Variants in ARHGEF40 observed in about 807,000 individuals in gnomAD.
ARHGEF40 encodes the protein Rho guanine nucleotide exchange factor (GEF) 40.
A neutral mutation model predicts 165.9 loss-of-function variants in ARHGEF40; 98 were observed. That is an observed-to-expected ratio of 0.59 (90% CI 0.50 to 0.70). ARHGEF40 has a LOEUF of 0.70. Among genes scored for constraint, ARHGEF40 ranks in the 30% least tolerant of loss-of-function variants. The pLI is 0.00. For missense variants in ARHGEF40, 1,815 were observed against 1,968.0 expected (o/e 0.92, Z 1.47); for synonymous variants, 792 against 814.3 (o/e 0.97, Z 0.47).
chr14:21,069,273 G>A (rs976868611), upstream of ARHGEF40, among the ~76,000 whole-genome samples: 16 of 152,172 alleles, frequency 1.1e-4, no homozygotes, highest in Admixed American at 6.5e-5. Flanking sequence ...TTTGATGAGG[G>A]AGTGAGGCTA....
upstream of ARHGEF40, among the ~76,000 whole-genome samples, chr14:21,065,886 G>A (rs765856643): frequency 1.3e-5 from 2 of 152,178 alleles, no homozygotes; most frequent in Non-Finnish European, 2.9e-5. Context: ...ATCACCTGAG[G>A]TCAGGAGTTT....
chr14:21,078,714 A>G (rs1323190139), intron 10 of ARHGEF40, among the ~76,000 whole-genome samples, 170 bp from the exon 11 acceptor site: 1 of 152,224 alleles, frequency 6.6e-6, no homozygotes, highest in East Asian at 1.9e-4. Flanking sequence ...CTTGGCCAAC[A>G]TCGGTCAGTA....
Position 21,081,550 on chromosome 14 carries a change from A to G in ARHGEF40, c.2682A>G (p.Gly894=), listed in dbSNP as rs747195975. 6.2e-7 allele frequency: 1 copy of G among 1,613,088 alleles called. No individual in the cohort carries two copies. Among genetic ancestry groups the G allele is most frequent in the South Asian group, 1.1e-5 (1 of 91,060 alleles). Reference sequence around the variant, plus strand: ...ATGAGGGCTTTGCTCGGCTGGCAGGAGCTGGGCCGGGTCGGGAGGCTGTGC... The same window carrying G: ...ATGAGGGCTTTGCTCGGCTGGCAGGGGCTGGGCCGGGTCGGGAGGCTGTGC... The part of the protein sequence containing the change: ...WVDEGFARLA[G]AGPGREAVLA... The change falls in exon 14 of 24, where the codon GGA becomes GGG. Residue 894 remains glycine, a synonymous_variant. Coordinates refer to ENST00000298694, the MANE Select transcript of ARHGEF40 (RefSeq NM_018071.5).
In ARHGEF40 at chr14:21,070,756, C is replaced by T; in HGVS notation, c.3+357C>T. 1 of 1,496,760 alleles carries T rather than the reference C, an allele frequency of 6.7e-7. No individual in the cohort carries two copies. The highest frequency in any genetic ancestry group is 1.2e-5 in the South Asian group (1 of 83,124). 92.7% of individuals were successfully genotyped at this position (1,496,760 alleles called of 1,614,324 possible). On this transcript the variant is annotated intron_variant, in intron 1 of 23. Coordinates refer to ENST00000298694, the MANE Select transcript of ARHGEF40 (RefSeq NM_018071.5). This position sits in a 1 kb window ranked among gnomAD's most constrained non-coding sequence, Gnocchi z 4.7. ...CCTCCTGGTCCGAGCTCCTTACCCGCGGGAGACCCCTGCGGGTTGGTCCTG... is the reference window on the plus strand; with the variant it reads ...CCTCCTGGTCCGAGCTCCTTACCCGTGGGAGACCCCTGCGGGTTGGTCCTG...
At chr14:21,079,863 T>TTTTAAAAC (rs1887731453) in intron 11 of ARHGEF40, among the ~76,000 whole-genome samples, 1 of 152,160 alleles carries the variant, frequency 6.6e-6, no homozygotes, top group African/African-American at 2.4e-5. Flanking sequence ...ATTTGGAGTC[T>TTTTAAAAC]AACGTGCTCA....
chr14:21,064,173 T>C, the ARHGEF40 span, among the ~76,000 whole-genome samples: 1 of 152,212 alleles, frequency 6.6e-6, no homozygotes, highest in African/African-American at 2.4e-5. Context: ...TAATTCAAAG[T>C]GCGGAGGAGT....
chr14:21,066,753 G>C (rs1215278763), upstream of ARHGEF40, among the ~76,000 whole-genome samples: 1 of 152,188 alleles, frequency 6.6e-6, no homozygotes, highest in Admixed American at 6.5e-5. Flanking sequence ...GCAAGATGCT[G>C]GTGGTATGGA....
chr14:21,089,869 T>C lies in ARHGEF40; in HGVS notation c.*861T>C, dbSNP rs1344834732. 1 of 201,128 alleles carries C rather than the reference T, an allele frequency of 5.0e-6. No homozygotes were observed. The highest frequency in any genetic ancestry group is 2.3e-5 in the African/African-American group (1 of 42,830). 12.5% of individuals were successfully genotyped at this position (201,128 alleles called of 1,614,324 possible). ...TCAAAATGAGGTCCTCAGGCCACAGTGCGTGAGAACTTGCTTGGCTGTTTG... is the reference window on the plus strand; with the variant it reads ...TCAAAATGAGGTCCTCAGGCCACAGCGCGTGAGAACTTGCTTGGCTGTTTG... On this transcript the variant is annotated 3_prime_UTR_variant, in exon 24 of 24. Coordinates refer to ENST00000298694, the MANE Select transcript of ARHGEF40 (RefSeq NM_018071.5).
At chr14:21,079,053 G>A in intron 11 of ARHGEF40, 43 bp downstream of exon 11, 1 of 1,586,158 alleles carries the variant, frequency 6.3e-7, no homozygotes, top group Non-Finnish European at 8.6e-7. Flanking sequence ...GCCTGGGAGT[G>A]TGGCCTCCAG....
chr14:21,070,408 A>C lies in ARHGEF40; in HGVS notation c.3+9A>C. The C allele has an allele frequency of 7.1e-7, 1 of 1,415,156 alleles. No homozygotes were observed. 87.7% of individuals were successfully genotyped at this position (1,415,156 alleles called of 1,614,324 possible). A position where few individuals can be genotyped will look rare whatever the true frequency, so the allele number is the denominator to read the frequency against. ...CCCGGCGCCGAGCCATGGTGAGTCC[A>C]GCGTCGCAGCCCCCTGGGTCCCCTC... On this transcript the variant is annotated intron_variant, in intron 1 of 23. Coordinates refer to ENST00000298694, the MANE Select transcript of ARHGEF40 (RefSeq NM_018071.5). The surrounding 1 kb of genome is among the most constrained non-coding windows in gnomAD (Gnocchi z 4.7).
intron 15 of ARHGEF40, 42 bp downstream of exon 15, chr14:21,082,520 C>A: frequency 6.6e-7 from 1 of 1,516,448 alleles, no homozygotes; most frequent in South Asian, 1.3e-5. Context: ...TCTCCCTTCT[C>A]TGTTCCAGCC....
In ARHGEF40 at chr14:21,082,113, G is replaced by A. The variant is rs949209163; in HGVS notation, c.3245G>A (p.Ser1082Asn). 8 of 1,563,850 alleles carry A rather than the reference G, an allele frequency of 5.1e-6. No individual in the cohort carries two copies. The Admixed American group carries it at 1.3e-4, about 26-fold the overall frequency. Reference protein sequence around the residue: ...VGTPRMERKRSISAQQRLVSE... With the variant: ...VGTPRMERKRNISAQQRLVSE... ...ACCCCCCGGATGGAGCGCAAGCGAA[G>A]CATCAGGTGAGATCCCAGCCCAACT... The change falls in exon 14 of 24, where the codon AGC becomes AAC. Residue 1082 changes from serine (S) to asparagine (N), a missense_variant. Transcript: ENST00000298694.
chr14:21,067,452 A>G (rs965854834), upstream of ARHGEF40, among the ~76,000 whole-genome samples: 21 of 152,164 alleles, frequency 1.4e-4, no homozygotes, highest in African/African-American at 4.3e-4. Context: ...ATGAGACCCT[A>G]TAACTTACTG....
At chr14:21,071,735 C>T (rs1043547926) in intron 1 of ARHGEF40, among the ~76,000 whole-genome samples, 1 of 152,230 alleles carries the variant, frequency 6.6e-6, no homozygotes, top group Non-Finnish European at 1.5e-5. Flanking sequence ...TGCCTTGGAG[C>T]AGACGGCCCC....
intron 19 of ARHGEF40, 115 bp downstream of exon 19, chr14:21,085,981 T>G: frequency 8.5e-7 from 1 of 1,174,474 alleles, no homozygotes; most frequent in Non-Finnish European, 1.2e-6. Context: ...AAAGAATGGC[T>G]TATAATAAGA....
Position 21,086,902 on chromosome 14 carries a change from G to T in ARHGEF40, c.4139-99G>T, listed in dbSNP as rs1276851691. On this transcript the variant is annotated intron_variant, in intron 19 of 23. Coordinates refer to ENST00000298694, the MANE Select transcript of ARHGEF40 (RefSeq NM_018071.5). ...GAAAGGGAGGAATGAGGATTGGGAA[G>T]GAACGAAAAAAAAAAAAAAAGAAAA... 3 of 931,064 alleles carry T rather than the reference G, an allele frequency of 3.2e-6. No homozygotes were observed. The East Asian group carries it at 8.0e-5, about 25-fold the overall frequency. The allele number at this position is 931,064 out of a possible 1,614,324, so 57.7% of individuals were successfully genotyped here. A position where few individuals can be genotyped will look rare whatever the true frequency, so the allele number is the denominator to read the frequency against.
At position 21,072,073 on chromosome 14, in the gene ARHGEF40, A is replaced by T. The variant is rs1345998002; in HGVS notation, c.4-972A>T. Among the ~76,000 whole-genome samples the T allele has an allele frequency of 1.3e-5, 2 of 152,204 alleles. No individual in the cohort carries two copies. Among genetic ancestry groups the T allele is most frequent in the African/African-American group, 2.4e-5 (1 of 41,446 alleles). ...CCATTTACAGCAAAAAAGAAAAAAA[A>T]ATTCCAGTAAAAGGGACTTCAAAGA... On this transcript the variant is annotated intron_variant, in intron 1 of 23. Coordinates refer to ENST00000298694, the MANE Select transcript of ARHGEF40 (RefSeq NM_018071.5). The surrounding 1 kb of genome is among the most constrained non-coding windows in gnomAD (Gnocchi z 4.1).
chr14:21,080,199 GACACACACACACACAC>G (rs71112543), intron 11 of ARHGEF40, among the ~76,000 whole-genome samples: 79 of 135,402 alleles, frequency 5.8e-4, no homozygotes, highest in Middle Eastern at 3.6e-3. Context: ...ATTAAAGCCG[GACACACACACACACAC>G]ACACACACAC....
At chr14:21,064,887 G>A in the ARHGEF40 span, among the ~76,000 whole-genome samples, 2 of 152,074 alleles carry the variant, frequency 1.3e-5, no homozygotes, top group Admixed American at 6.5e-5. Flanking sequence ...ATTCTGTCCC[G>A]TGGCCGGGCA....
Sources: gnomAD v4.1 joint callset for allele counts (sites outside exome capture counted in the v4.1 genomes callset) on GRCh38, gnomAD v4.1.1 for gene constraint, Gnocchi (gnomAD v3.1) non-coding constraint, MANE v1.5 for transcripts, NCBI Gene and HGNC (gene_info 2026-07-23, HGNC 2026-07-21) for gene names.